Variants in SND1 observed in about 807,000 individuals in gnomAD.
The protein encoded by SND1 is staphylococcal nuclease and tudor domain containing 1, also known as staphylococcal nuclease domain-containing protein 1.
Under a neutral mutation model 121.7 loss-of-function variants are expected in SND1, and 38 were observed. The ratio of observed to expected loss-of-function variants is 0.31; its 90% CI spans 0.24 to 0.41. The LOEUF is 0.41. SND1 is among the 10% of genes least tolerant of loss of function. SND1 has a pLI of 1.00. For synonymous variants in SND1, 401 were observed against 447.4 expected (o/e 0.90, Z 1.31); for missense variants, 868 against 1,184.6 (o/e 0.73, Z 3.92).
chr7:127,779,651 C>T (rs553577859), intron 10 of SND1, among the ~76,000 whole-genome samples: 3 of 152,292 alleles, frequency 2.0e-5, no homozygotes, highest in South Asian at 4.1e-4. Context: ...GGTTGGGGGT[C>T]AAAAGTGCTC....
intron 16 of SND1, among the ~76,000 whole-genome samples, chr7:128,022,783 G>A (rs1196242637): frequency 6.8e-6 from 1 of 147,762 alleles, no homozygotes; most frequent in Admixed American, 7.0e-5. Flanking sequence ...GTCAGGGTCA[G>A]GATTAAATTA....
intron 9 of SND1, among the ~76,000 whole-genome samples, chr7:127,708,418 CCTT>C (rs1399240830): frequency 5.2e-4 from 8 of 15,388 alleles, no homozygotes; most frequent in South Asian, 0.014. Flanking sequence ...TCCCTTCCTG[CCTT>C]CCTCCCTTCC....
At chr7:128,082,228 GT>G (rs2117061207) in intron 18 of SND1, among the ~76,000 whole-genome samples, 1 of 152,356 alleles carries the variant, frequency 6.6e-6, no homozygotes, top group Non-Finnish European at 1.5e-5. Context: ...TGGCCACCCT[GT>G]GCAGGGAAAC....
chr7:128,050,087 A>G (rs1368201886), intron 16 of SND1, among the ~76,000 whole-genome samples: 2 of 152,218 alleles, frequency 1.3e-5, no homozygotes, highest in Admixed American at 1.3e-4. Context: ...TGAACCAGAC[A>G]TGCAAGCACT....
chr7:127,918,016 A>G (rs779975440), intron 14 of SND1, among the ~76,000 whole-genome samples: 4 of 151,474 alleles, frequency 2.6e-5, no homozygotes, highest in Non-Finnish European at 4.4e-5. Context: ...ATAATTTACA[A>G]GTTTATCTAG....
At chr7:128,011,344 G>A (rs1246883174) in intron 16 of SND1, among the ~76,000 whole-genome samples, 2 of 152,220 alleles carry the variant, frequency 1.3e-5, no homozygotes, top group African/African-American at 4.8e-5. Flanking sequence ...ACCTTTGATG[G>A]ATTTGGTGGC....
chr7:127,742,092 G>A (rs1796890487), intron 10 of SND1, among the ~76,000 whole-genome samples: 2 of 152,150 alleles, frequency 1.3e-5, no homozygotes, highest in Admixed American at 1.3e-4. Flanking sequence ...TTAGTGAAGA[G>A]ATCTACTTGA....
At chr7:127,936,143 T>C (rs1801056615) in intron 15 of SND1, among the ~76,000 whole-genome samples, 1 of 152,182 alleles carries the variant, frequency 6.6e-6, no homozygotes, top group African/African-American at 2.4e-5. Context: ...CCTCTAGTCC[T>C]TTAAGCACCT....
chr7:128,073,658 A>G (rs1436626257), intron 16 of SND1, among the ~76,000 whole-genome samples: 6 of 152,262 alleles, frequency 3.9e-5, no homozygotes, highest in Non-Finnish European at 1.5e-5. Context: ...GGCAGCAAAG[A>G]CATTTATAGG....
At chr7:127,902,293 A>G (rs1291877062) in intron 13 of SND1, among the ~76,000 whole-genome samples, 1 of 152,214 alleles carries the variant, frequency 6.6e-6, no homozygotes, top group Non-Finnish European at 1.5e-5. Flanking sequence ...CCTTGTTGTT[A>G]AAGGATAAGG....
In SND1 at chr7:127,682,850, G is replaced by T. The variant is rs757327818; in HGVS notation, c.79-3763G>T. On this transcript the variant is annotated intron_variant, in intron 1 of 23. Transcript: ENST00000354725. ...ATGCCTGGCACATAGTAGGCACTCA[G>T]TAAGTTTGTAGTGAATTAATAACTG... is the stretch of plus-strand genomic sequence containing the variant. 4.3e-4 allele frequency among the ~76,000 whole-genome samples: 66 copies of T among 152,182 alleles called. 2 individuals are homozygous for T. Among genetic ancestry groups the T allele is most frequent in the Non-Finnish European group, 7.3e-5 (5 of 68,032 alleles).
chr7:127,891,676 T>A (rs1410680762), intron 13 of SND1, among the ~76,000 whole-genome samples: 1 of 152,118 alleles, frequency 6.6e-6, no homozygotes, highest in Non-Finnish European at 1.5e-5. Context: ...GTGAGTTGTT[T>A]ACTCCTTTTC....
At chr7:128,089,371 C>T (rs1266493927) in intron 21 of SND1, 118 bp from the exon 22 acceptor site, 47 of 1,008,886 alleles carry the variant, frequency 4.7e-5, no homozygotes, top group Non-Finnish European at 1.8e-5. Context: ...CTAGGGTTCT[C>T]TGGGGAGAAA....
chr7:127,999,135 T>C (rs541140499), intron 16 of SND1: 9 of 152,318 alleles, frequency 5.9e-5, no homozygotes, highest in African/African-American at 1.9e-4. Flanking sequence ...CAGAGGCTAG[T>C]GTTCCTATCC....
At chr7:128,074,033 A>T (rs1793461763) in intron 16 of SND1, among the ~76,000 whole-genome samples, 1 of 152,044 alleles carries the variant, frequency 6.6e-6, no homozygotes, top group Admixed American at 6.5e-5. Context: ...TTTTCATGCA[A>T]CCACTTTAAT....
rs142837416 is a variant in SND1, at chr7:127,734,098, G to A, written c.1152+12698G>A. ...CTAAAGCTCTATCTCCAGGATTTTCGTCTCTGACAATGCAATTTTTCTTTT... is the reference window on the plus strand; with the variant it reads ...CTAAAGCTCTATCTCCAGGATTTTCATCTCTGACAATGCAATTTTTCTTTT... On this transcript the variant is annotated intron_variant, in intron 10 of 23. Transcript: ENST00000354725. Among the ~76,000 whole-genome samples the A allele has an allele frequency of 3.1e-4, 47 of 152,056 alleles. 1 individual carries two copies. Among genetic ancestry groups the A allele is most frequent in the Middle Eastern group, 3.4e-3 (1 of 294 alleles).
chr7:127,710,447 CAA>C (rs33999230), intron 9 of SND1, among the ~76,000 whole-genome samples: 24 of 119,938 alleles, frequency 2.0e-4, no homozygotes, highest in Admixed American at 1.6e-4. Flanking sequence ...AAGCTTACTA[CAA>C]AAAAAAAAAA....
intron 12 of SND1, among the ~76,000 whole-genome samples, chr7:127,856,486 G>A (rs1799276229): frequency 6.6e-6 from 1 of 152,216 alleles, no homozygotes; most frequent in Non-Finnish European, 1.5e-5. Flanking sequence ...GTTTTAAACA[G>A]GGAAACAAAA....
At chr7:127,691,530 G>A (rs1183786930) in intron 2 of SND1, among the ~76,000 whole-genome samples, 3 of 151,932 alleles carry the variant, frequency 2.0e-5, no homozygotes, top group Admixed American at 6.6e-5. Context: ...GCGACAGAGC[G>A]AGACTCCGTC....
Sources: gnomAD v4.1 joint callset for allele counts (sites outside exome capture counted in the v4.1 genomes callset) on GRCh38, gnomAD v4.1.1 for gene constraint, MANE v1.5 for transcripts, NCBI Gene and HGNC (gene_info 2026-07-23, HGNC 2026-07-21) for gene names.